The following SAMD5 variants were observed in gnomAD, a reference collection of about 807,000 sequenced individuals.
SAMD5 encodes sterile alpha motif domain containing 5, also known as sterile alpha motif domain-containing protein 5.
A neutral mutation model predicts 11.3 loss-of-function variants in SAMD5; 13 were observed. That is an observed-to-expected ratio of 1.15 (90% CI 0.75 to 1.83). SAMD5 has a LOEUF of 1.83. SAMD5 is among the 40% of genes most tolerant of loss of function. The pLI, the probability that SAMD5 is intolerant of heterozygous loss-of-function variation, is 0.00. For missense variants in SAMD5, 255 were observed against 239.1 expected (o/e 1.07, Z -0.44); for synonymous variants, 129 against 111.3 (o/e 1.16, Z -1.00).
chr6:147,557,746 G>T (rs985304391), intron 1 of SAMD5, among the ~76,000 whole-genome samples: 11 of 152,180 alleles, frequency 7.2e-5, no homozygotes, highest in African/African-American at 2.7e-4. Context: ...TGTGAGGGGG[G>T]ACACTATTCA....
At chr6:147,784,775 T>A in the SAMD5 span, among the ~76,000 whole-genome samples, 3 of 150,778 alleles carry the variant, frequency 2.0e-5, no homozygotes. Flanking sequence ...AAACTTTGAT[T>A]TTTTTCCCCT....
chr6:147,721,507 G>T (rs1404068879), intron 1 of SAMD5, among the ~76,000 whole-genome samples: 1 of 152,222 alleles, frequency 6.6e-6, no homozygotes, highest in East Asian at 1.9e-4. Flanking sequence ...CTTTTGAGAA[G>T]TGTCTGTTCA....
chr6:147,801,774 G>T, the SAMD5 span, among the ~76,000 whole-genome samples: 3 of 152,158 alleles, frequency 2.0e-5, no homozygotes, highest in African/African-American at 7.2e-5. Flanking sequence ...CAAATCAGTA[G>T]AACAGAGTAG....
At chr6:147,839,494 A>T in the SAMD5 span, among the ~76,000 whole-genome samples, 1 of 152,216 alleles carries the variant, frequency 6.6e-6, no homozygotes, top group Non-Finnish European at 1.5e-5. Context: ...CATGCCTGTA[A>T]TCCCAGCATT....
chr6:147,867,218 T>C, the SAMD5 span, among the ~76,000 whole-genome samples: 1 of 152,182 alleles, frequency 6.6e-6, no homozygotes, highest in South Asian at 2.1e-4. Flanking sequence ...TAATTCACTC[T>C]TATTTACTTT....
chr6:147,712,709 G>C (rs1791416513), intron 1 of SAMD5, among the ~76,000 whole-genome samples: 2 of 151,840 alleles, frequency 1.3e-5, no homozygotes, highest in Non-Finnish European at 2.9e-5. Flanking sequence ...GGCTATGGGA[G>C]CACACAATGA....
chr6:147,876,406 C>T, the SAMD5 span, among the ~76,000 whole-genome samples: 1 of 152,110 alleles, frequency 6.6e-6, no homozygotes, highest in Non-Finnish European at 1.5e-5. Flanking sequence ...ATGGTGGATT[C>T]CTCAGCCCAG....
chr6:147,810,076 C>T, the SAMD5 span, among the ~76,000 whole-genome samples: 1 of 152,152 alleles, frequency 6.6e-6, no homozygotes, highest in Non-Finnish European at 1.5e-5. Flanking sequence ...TATATCAATA[C>T]ATATATAGTT....
the SAMD5 span, among the ~76,000 whole-genome samples, chr6:147,811,439 T>C: frequency 6.6e-6 from 1 of 152,222 alleles, no homozygotes; most frequent in Non-Finnish European, 1.5e-5. Flanking sequence ...TTAGGGAATT[T>C]GGAGCTTTTC....
At chr6:147,537,750 C>T (rs1317264342) in intron 1 of SAMD5, among the ~76,000 whole-genome samples, 3 of 90,594 alleles carry the variant, frequency 3.3e-5, no homozygotes, top group Admixed American at 2.4e-4. Flanking sequence ...AGAGAGACTC[C>T]GTCTCAAAAA....
the SAMD5 span, among the ~76,000 whole-genome samples, chr6:147,918,649 C>CTTA: frequency 6.7e-6 from 1 of 150,226 alleles, no homozygotes; most frequent in Non-Finnish European, 1.5e-5. Context: ...TCAGGGAAGA[C>CTTA]TCAGGATACA....
intron 1 of SAMD5, among the ~76,000 whole-genome samples, chr6:147,522,757 T>C (rs1788273753): frequency 6.6e-6 from 1 of 152,200 alleles, no homozygotes; most frequent in South Asian, 2.1e-4. Context: ...CAGTAACTTT[T>C]TGGAAGTTTC....
the SAMD5 span, among the ~76,000 whole-genome samples, chr6:147,912,777 A>G: frequency 6.6e-6 from 1 of 152,210 alleles, no homozygotes; most frequent in Non-Finnish European, 1.5e-5. Context: ...GAACGGATAC[A>G]GAGTGATTTT....
the SAMD5 span, among the ~76,000 whole-genome samples, chr6:147,854,288 C>T: frequency 1.8e-4 from 27 of 152,090 alleles, no homozygotes; most frequent in Non-Finnish European, 3.7e-4. Context: ...CCAGAGGAAA[C>T]GAGAAGGTTT....
At chr6:147,745,834 G>A in the SAMD5 span, among the ~76,000 whole-genome samples, 319 of 144,452 alleles carry the variant, frequency 2.2e-3, 1 homozygote, top group African/African-American at 7.7e-3. Flanking sequence ...GCTGGACTAT[G>A]GTGATGGGAA....
chr6:147,627,070 T>C (rs1790066940), intron 1 of SAMD5, among the ~76,000 whole-genome samples: 1 of 152,216 alleles, frequency 6.6e-6, no homozygotes, highest in Non-Finnish European at 1.5e-5. Context: ...AGAAAATATT[T>C]ACCTAAAGAG....
intron 1 of SAMD5, among the ~76,000 whole-genome samples, chr6:147,718,674 G>C (rs1393482572): frequency 1.4e-5 from 2 of 146,986 alleles, no homozygotes; most frequent in Non-Finnish European, 3.0e-5. Flanking sequence ...AATGTTGTTG[G>C]AAGTGGCTCT....
the SAMD5 span, among the ~76,000 whole-genome samples, chr6:147,954,521 G>A: frequency 5.3e-5 from 8 of 152,152 alleles, no homozygotes; most frequent in African/African-American, 1.9e-4. Context: ...CTATGGGAGT[G>A]TACGCTAATG....
chr6:147,700,929 A>C (rs1330762892), intron 1 of SAMD5, among the ~76,000 whole-genome samples: 1 of 152,240 alleles, frequency 6.6e-6, no homozygotes, highest in African/African-American at 2.4e-5. Flanking sequence ...CTGATTCAAG[A>C]GGAAGATAAA....
Sources: gnomAD v4.1 joint callset for allele counts (sites outside exome capture counted in the v4.1 genomes callset) on GRCh38, gnomAD v4.1.1 for gene constraint, MANE v1.5 for transcripts, NCBI Gene and HGNC (gene_info 2026-07-23, HGNC 2026-07-21) for gene names.